ABCG2: variants seen among roughly 807,000 people sequenced by gnomAD.
ABCG2 encodes the protein ATP binding cassette subfamily G member 2 (JR blood group).
In ABCG2, 80 loss-of-function variants were observed where a neutral mutation model predicts 73.5. The observed-to-expected ratio is 1.09, with a 90% CI of 0.91 to 1.31. ABCG2 has a LOEUF of 1.31. ABCG2 is among the 50% of genes most tolerant of loss of function. ABCG2 has a pLI of 0.00. For synonymous variants in ABCG2, 269 were observed against 282.4 expected, an observed-to-expected ratio of 0.95 and a Z score of 0.48; for missense variants, 796 against 786.2, an observed-to-expected ratio of 1.01 and a Z score of -0.15.
chr4:88,186,671 G>T (rs1728467111), intron 1 of ABCG2, among the ~76,000 whole-genome samples: 1 of 151,708 alleles, frequency 6.6e-6, no homozygotes, highest in Non-Finnish European at 1.5e-5. Context: ...TGTAATCCCA[G>T]CACTTTGGGA....
At chr4:88,217,841 C>T (rs1477428117) in intron 1 of ABCG2, among the ~76,000 whole-genome samples, 2 of 152,030 alleles carry the variant, frequency 1.3e-5, no homozygotes, top group South Asian at 2.1e-4. Context: ...TAGCATGTTC[C>T]TGTAGTCCCA....
At chr4:88,182,418 A>C (rs1308691199) in intron 1 of ABCG2, among the ~76,000 whole-genome samples, 2 of 152,238 alleles carry the variant, frequency 1.3e-5, no homozygotes, top group South Asian at 4.1e-4. Flanking sequence ...AGATATTTAC[A>C]GAACATTTAT....
At chr4:88,125,856 AT>A (rs1411966409) in intron 5 of ABCG2, among the ~76,000 whole-genome samples, 1 of 152,144 alleles carries the variant, frequency 6.6e-6, no homozygotes, top group Non-Finnish European at 1.5e-5. Context: ...ACACCCTAAC[AT>A]CACAATTAAA....
intron 1 of ABCG2, among the ~76,000 whole-genome samples, chr4:88,205,474 A>G (rs918252308): frequency 6.6e-6 from 1 of 152,216 alleles, no homozygotes; most frequent in Non-Finnish European, 1.5e-5. Context: ...CATTAAAAAT[A>G]AAAACTATAA....
At chr4:88,122,849 C>A (rs1217425940) in intron 5 of ABCG2, among the ~76,000 whole-genome samples, 1 of 152,222 alleles carries the variant, frequency 6.6e-6, no homozygotes, top group Non-Finnish European at 1.5e-5. Flanking sequence ...GGGTCCTTGA[C>A]CCCTGTGCCT....
intron 1 of ABCG2, among the ~76,000 whole-genome samples, chr4:88,183,642 G>A (rs1221384307): frequency 6.6e-6 from 1 of 151,618 alleles, no homozygotes; most frequent in Non-Finnish European, 1.5e-5. Flanking sequence ...AACATTTAAG[G>A]AAAAATGCCA....
intron 1 of ABCG2, among the ~76,000 whole-genome samples, chr4:88,197,021 A>G (rs552652296): frequency 6.6e-6 from 1 of 152,044 alleles, no homozygotes; most frequent in African/African-American, 2.4e-5. Context: ...GTTTGAGGAG[A>G]CTGAGAGGCA....
intron 1 of ABCG2, among the ~76,000 whole-genome samples, chr4:88,228,070 G>A (rs929754411): frequency 1.3e-5 from 2 of 152,128 alleles, no homozygotes; most frequent in African/African-American, 2.4e-5. Flanking sequence ...AAAATCAAGG[G>A]GATAATGTAT....
intron 1 of ABCG2, among the ~76,000 whole-genome samples, chr4:88,142,390 C>T (rs532434272): frequency 2.0e-4 from 31 of 152,084 alleles, no homozygotes; most frequent in Non-Finnish European, 4.1e-4. Context: ...AAGTTATCTC[C>T]TAATAACTGT....
At chr4:88,172,865 G>A (rs569788447) in intron 1 of ABCG2, among the ~76,000 whole-genome samples, 1 of 152,166 alleles carries the variant, frequency 6.6e-6, no homozygotes, top group Non-Finnish European at 1.5e-5. Flanking sequence ...TCCATTCTGT[G>A]TGGATTCAGG....
rs779953110 is a variant in ABCG2 at position 88,107,199 on chromosome 4, G to A, written c.1262C>T (p.Thr421Ile). 1 of 1,612,176 alleles carries A rather than the reference G, an allele frequency of 6.2e-7. No homozygotes were observed. Among genetic ancestry groups the A allele is most frequent in the Admixed American group, 1.7e-5 (1 of 59,908 alleles). ...ATTTACTTACCTGTTCTGGATTCCA[G>A]TAGAATCATTTTTTAGCCCAAAGTA... is the stretch of plus-strand genomic sequence containing the variant. Reference protein sequence around the residue: ...AIYFGLKNDSTGIQNRAGVLF... With the variant: ...AIYFGLKNDSIGIQNRAGVLF... The change falls in exon 10 of 16, where the codon ACT becomes ATT. Residue 421 changes from threonine to isoleucine, a missense_variant. Thr to Ile is a moderately conservative substitution (Grantham distance 89). Coordinates refer to ENST00000237612, the MANE Select transcript of ABCG2 (RefSeq NM_004827.3).
At chr4:88,122,137 T>C (rs913560105) in intron 5 of ABCG2, among the ~76,000 whole-genome samples, 26 of 151,922 alleles carry the variant, frequency 1.7e-4, no homozygotes, top group African/African-American at 6.3e-4. Context: ...CCGGCCCACA[T>C]ACTGTACTTT....
intron 5 of ABCG2, among the ~76,000 whole-genome samples, chr4:88,125,845 G>A (rs1354405690): frequency 2.0e-5 from 3 of 151,868 alleles, no homozygotes; most frequent in Admixed American, 6.6e-5. Context: ...ATGTAAAATC[G>A]ACACCCTAAC....
At chr4:88,118,047 C>T in intron 7 of ABCG2, 62 bp downstream of exon 7, 1 of 1,539,046 alleles carries the variant, frequency 6.5e-7, no homozygotes, top group Non-Finnish European at 8.8e-7. Flanking sequence ...TGCAGACCCC[C>T]TTTGCTCTCC....
At chr4:88,182,331 T>C (rs1004569844) in intron 1 of ABCG2, among the ~76,000 whole-genome samples, 1 of 152,208 alleles carries the variant, frequency 6.6e-6, no homozygotes, top group Non-Finnish European at 1.5e-5. Flanking sequence ...ACTCTCAGCA[T>C]TGGACAGATC....
At chr4:88,171,694 A>G (rs1402657788) in intron 1 of ABCG2, among the ~76,000 whole-genome samples, 1 of 151,168 alleles carries the variant, frequency 6.6e-6, no homozygotes, top group Non-Finnish European at 1.5e-5. Flanking sequence ...TTTTTTTATT[A>G]TTATGAATTT....
At chr4:88,146,436 G>A (rs1236608844) in intron 1 of ABCG2, among the ~76,000 whole-genome samples, 4 of 151,428 alleles carry the variant, frequency 2.6e-5, no homozygotes, top group East Asian at 3.9e-4. Flanking sequence ...CTCTGTTGCC[G>A]AGGACGTAGT....
intron 3 of ABCG2, 36 bp from the exon 4 acceptor site, chr4:88,131,953 C>A (rs369217922): frequency 6.7e-7 from 1 of 1,482,660 alleles, no homozygotes; most frequent in Non-Finnish European, 9.4e-7. Context: ...GTCTAATAAC[C>A]TATAAGAGAA....
intron 1 of ABCG2, among the ~76,000 whole-genome samples, chr4:88,205,750 T>C (rs1469204001): frequency 6.6e-6 from 1 of 152,180 alleles, no homozygotes; most frequent in East Asian, 1.9e-4. Context: ...TGGCGCGATC[T>C]CAGCTCACTG....
Sources: gnomAD v4.1 joint callset for allele counts (sites outside exome capture counted in the v4.1 genomes callset) on GRCh38, gnomAD v4.1.1 for gene constraint, MANE v1.5 for transcripts, NCBI Gene and HGNC (gene_info 2026-07-23, HGNC 2026-07-21) for gene names.